The following HBG1 variants were observed in gnomAD, a reference collection of about 807,000 sequenced individuals.
The protein encoded by HBG1 is hemoglobin subunit gamma 1.
A neutral mutation model predicts 5.9 loss-of-function variants in HBG1; 1 was observed. The observed-to-expected ratio is 0.17, with a 90% CI of 0.06 to 0.81. The LOEUF is 0.81. Ranked by LOEUF, HBG1 falls within the 30% of genes least tolerant of loss-of-function variation. The probability of loss-of-function intolerance (pLI) is 0.73; values close to 1 mark genes in which losing one functional copy is unlikely to be tolerated. For missense variants in HBG1, 57 were observed against 122.0 expected, an observed-to-expected ratio of 0.47 and a Z score of 2.51; for synonymous variants, 19 against 50.5, an observed-to-expected ratio of 0.38 and a Z score of 2.64.
Position 5,249,388 on chromosome 11 carries a change from C to T in HBG1, c.295G>A (p.Val99Met). 7.1e-6 allele frequency: 9 copies of T among 1,275,552 alleles called. 3 individuals are homozygous for T. The highest frequency in any genetic ancestry group is 9.9e-6 in the Non-Finnish European group (9 of 911,808). 79.0% of individuals were successfully genotyped at this position (1,275,552 alleles called of 1,614,324 possible). A position where few individuals can be genotyped will look rare whatever the true frequency, so the allele number is the denominator to read the frequency against. The change falls in exon 2 of 3, where the codon GTG (valine) becomes ATG (methionine). Residue 99 changes from valine to methionine, a missense_variant. Val to Met is a conservative substitution (Grantham distance 21, BLOSUM62 1). Coordinates refer to ENST00000330597, the MANE Select transcript of HBG1 (RefSeq NM_000559.3). ...LSELHCDKLH[V>M]DPENFKLLGN... ...CTCACCTTGAAGTTCTCAGGATCCA[C>T]ATGCAGCTTGTCACAGTGCAGTTCA...
In HBG1 at chr11:5,248,755, GACACACACACACAC is replaced by G. The variant is rs757934785; in HGVS notation, c.316-282_316-269del. On this transcript the variant is annotated intron_variant, in intron 2 of 2. Coordinates refer to ENST00000330597, the MANE Select transcript of HBG1 (RefSeq NM_000559.3). Reference sequence around the variant, plus strand: ...GAAGACGTTAAAAGAAACACACGCTGACACACACACACACACGCGCGCGCGCACACACACACACA... The same window carrying G: ...GAAGACGTTAAAAGAAACACACGCTGACGCGCGCGCGCACACACACACACA... Among the ~76,000 whole-genome samples, 27 of 129,918 alleles carry G rather than the reference GACACACACACACAC, an allele frequency of 2.1e-4. 1 individual carries two copies. The highest frequency in any genetic ancestry group is 8.9e-4 in the African/African-American group (27 of 30,392). 85.2% of individuals were successfully genotyped at this position (129,918 alleles called of 152,430 possible). A position where few individuals can be genotyped will look rare whatever the true frequency, so the allele number is the denominator to read the frequency against.
In HBG1 at chr11:5,249,181, T is replaced by C. The variant is rs113949157; in HGVS notation, c.315+187A>G. Among the ~76,000 whole-genome samples, 22 of 133,450 alleles carry C rather than the reference T, an allele frequency of 1.6e-4. 4 individuals carry two copies. Among genetic ancestry groups the C allele is most frequent in the South Asian group, 7.4e-4 (3 of 4,066 alleles). The allele number at this position is 133,450 out of a possible 152,430, so 87.5% of individuals were successfully genotyped here. On this transcript the variant is annotated intron_variant, in intron 2 of 2. Transcript: ENST00000330597. ...AGTCAAAATTGTCCATCTAGATTTT[T>C]AGAGGCACTCCTTAGGCCCTAAAAC...
intron 2 of HBG1, among the ~76,000 whole-genome samples, chr11:5,248,991 C>T (rs1564884617): frequency 6.9e-6 from 1 of 145,156 alleles, no homozygotes; most frequent in Admixed American, 6.8e-5. Context: ...CCCACTTTGA[C>T]TGAGCCAATA....
intron 2 of HBG1, among the ~76,000 whole-genome samples, chr11:5,248,942 G>A (rs987462876): frequency 6.7e-6 from 1 of 148,202 alleles, no homozygotes; most frequent in African/African-American, 2.5e-5. Context: ...AGCTGATATA[G>A]GAATAGCCTT....
chr11:5,248,364 G>A lies in HBG1; in HGVS notation c.439C>T (p.His147Tyr). Residue 147 changes from histidine (H) to tyrosine (Y), a missense_variant, in exon 3 of 3, where the codon CAC (histidine) becomes TAC (tyrosine). His to Tyr is a moderately conservative substitution (Grantham distance 83, BLOSUM62 2). This residue lies in a region of HBG1 where 43 missense variants were observed against 44.9 expected (regional missense o/e 0.96). Transcript: ENST00000330597. ...CTGAATCATGGGCAGTGAGCTCAGT[G>A]GTATCTGGAGGACAGGGCACTGGCC... The part of the protein sequence containing the change: ...AVASALSSRY[H>Y] 6.2e-7 allele frequency: 1 copy of A among 1,614,064 alleles called. No homozygotes were observed. The highest frequency in any genetic ancestry group is 1.3e-5 in the African/African-American group (1 of 75,032).
In HBG1 at chr11:5,248,923, T is replaced by C. The variant is rs914012001; in HGVS notation, c.316-436A>G. 7.4e-5 allele frequency among the ~76,000 whole-genome samples: 11 copies of C among 149,158 alleles called. No homozygotes were observed. The East Asian group carries it at 2.2e-3, about 29-fold the overall frequency. The stretch of plus-strand genomic sequence containing the variant: ...GTAATGAAGCATTAGCAGCATTTTA[T>C]ATGTGTCCAGCTGATATAGGAATAG... On this transcript the variant is annotated intron_variant, in intron 2 of 2. Coordinates refer to ENST00000330597, the MANE Select transcript of HBG1 (RefSeq NM_000559.3).
intron 2 of HBG1, 72 bp downstream of exon 2, chr11:5,249,296 C>G (rs1847920449): frequency 2.5e-6 from 2 of 815,742 alleles, no homozygotes; most frequent in Non-Finnish European, 4.0e-6. Flanking sequence ...CTGCTGTGCT[C>G]AGATCAATAC....
intron 2 of HBG1, 45 bp downstream of exon 2, chr11:5,249,323 C>T (rs1228539491): frequency 2.1e-6 from 2 of 950,508 alleles, no homozygotes; most frequent in Non-Finnish European, 3.2e-6. Flanking sequence ...GTCTAAGTTG[C>T]CTCGAGACTA....
At chr11:5,248,777 CG>C (rs1847912293) in intron 2 of HBG1, among the ~76,000 whole-genome samples, 1 of 86,062 alleles carries the variant, frequency 1.2e-5, no homozygotes, top group South Asian at 4.0e-4. Flanking sequence ...CACACGCGCG[CG>C]CGCACACACA....
intron 2 of HBG1, among the ~76,000 whole-genome samples, chr11:5,248,766 ACACACG>A (rs943631726): frequency 6.5e-4 from 51 of 78,720 alleles, no homozygotes; most frequent in African/African-American, 2.3e-3. Context: ...ACACACACAC[ACACACG>A]CGCGCGCGCA....
At position 5,248,329 on chromosome 11, in the gene HBG1, C is replaced by G; in HGVS notation, c.*30G>C. 6.2e-7 allele frequency: 1 copy of G among 1,613,042 alleles called. No individual in the cohort carries two copies. The highest frequency in any genetic ancestry group is 1.1e-5 in the South Asian group (1 of 91,042). On this transcript the variant is annotated 3_prime_UTR_variant, in exon 3 of 3. Coordinates refer to ENST00000330597, the MANE Select transcript of HBG1 (RefSeq NM_000559.3). ...TATTGCTTGCAGAATAAAGCCTATC[C>G]TTGAAAGCTCTGAATCATGGGCAGT...
rs1483688964 is a variant in HBG1 at position 5,248,495 on chromosome 11, G to GA, written c.316-9dup. 6.2e-7 allele frequency: 1 copy of GA among 1,611,904 alleles called. No homozygotes were observed. The highest frequency in any genetic ancestry group is 1.3e-5 in the African/African-American group (1 of 74,640). On this transcript the variant is annotated splice_polypyrimidine_tract_variant and intron_variant, in intron 2 of 2. Transcript: ENST00000330597. ...CAGCACATTTCCCAGGAGCTGTTGA[G>GA]ATGAAAGGAGACAATAAAGATGAAC...
intron 2 of HBG1, among the ~76,000 whole-genome samples, chr11:5,248,778 GCGCACACACA>G (rs1013944054): frequency 2.7e-4 from 23 of 86,686 alleles, no homozygotes; most frequent in African/African-American, 7.4e-4. Context: ...ACACGCGCGC[GCGCACACACA>G]CACACACACA....
At chr11:5,249,640 T>C in intron 1 of HBG1, 50 bp from the exon 2 acceptor site, 2 of 553,314 alleles carry the variant, frequency 3.6e-6, no homozygotes. Flanking sequence ...CCACAAATCC[T>C]GAGAAGCGAC....
At chr11:5,248,775 C>G (rs528530509) in intron 2 of HBG1, among the ~76,000 whole-genome samples, 2 of 86,752 alleles carry the variant, frequency 2.3e-5, no homozygotes, top group African/African-American at 7.1e-5. Flanking sequence ...CACACACGCG[C>G]GCGCGCACAC....
Position 5,249,823 on chromosome 11 carries a change from T to A in HBG1, c.-19A>T. The A allele has an allele frequency of 3.3e-6, 1 of 307,274 alleles. No individual in the cohort carries two copies. Among genetic ancestry groups the A allele is most frequent in the Non-Finnish European group, 5.6e-6 (1 of 180,104 alleles). 19.0% of individuals were successfully genotyped at this position (307,274 alleles called of 1,614,324 possible). On this transcript the variant is annotated 5_prime_UTR_variant, in exon 1 of 3. It adds an upstream start codon to the 5' untranslated region. Coordinates refer to ENST00000330597, the MANE Select transcript of HBG1 (RefSeq NM_000559.3). The stretch of plus-strand genomic sequence containing the variant: ...GACCCATGGCGTCTGGACTAGGAGC[T>A]TATTGATAACCTCAGACGTTCCAGA...
At chr11:5,248,962 T>C (rs1273129795) in intron 2 of HBG1, among the ~76,000 whole-genome samples, 4 of 147,444 alleles carry the variant, frequency 2.7e-5, no homozygotes, top group Admixed American at 6.7e-5. Flanking sequence ...TAGCAATGTA[T>C]GTTTGGCCAC....
rs1333975339 is a variant in HBG1 at position 5,249,187 on chromosome 11, C to T, written c.315+181G>A. ...AATTGTCCATCTAGATTTTTAGAGG[C>T]ACTCCTTAGGCCCTAAAACATTACC... On this transcript the variant is annotated intron_variant, in intron 2 of 2. Coordinates refer to ENST00000330597, the MANE Select transcript of HBG1 (RefSeq NM_000559.3). 2.3e-5 allele frequency among the ~76,000 whole-genome samples: 3 copies of T among 133,240 alleles called. 1 individual carries two copies. The highest frequency in any genetic ancestry group is 3.3e-5 in the Non-Finnish European group (2 of 59,710). 87.4% of individuals were successfully genotyped at this position (133,240 alleles called of 152,430 possible).
chr11:5,248,315 G>A lies in HBG1; in HGVS notation c.*44C>T. The A allele has an allele frequency of 1.2e-6, 2 of 1,609,390 alleles. No homozygotes were observed. The highest frequency in any genetic ancestry group is 1.7e-6 in the Non-Finnish European group (2 of 1,175,830). On this transcript the variant is annotated 3_prime_UTR_variant, in exon 3 of 3. Transcript: ENST00000330597. ...AGATTTATTATTTGTATTGCTTGCA[G>A]AATAAAGCCTATCCTTGAAAGCTCT...
Sources: allele counts gnomAD v4.1 joint callset (sites outside exome capture counted in the v4.1 genomes callset), GRCh38; gene constraint gnomAD v4.1.1; regional missense constraint gnomAD v4.1.1; transcripts MANE v1.5; gene names NCBI Gene and HGNC (gene_info 2026-07-23, HGNC 2026-07-21).